The following MBTD1 variants were observed in gnomAD, a reference collection of about 807,000 sequenced individuals.
MBTD1 encodes mbt domain containing 1.
Under a neutral mutation model 87.8 loss-of-function variants are expected in MBTD1, and 24 were observed. That is an observed-to-expected ratio of 0.27 (90% confidence interval 0.20 to 0.38). The LOEUF is 0.38. MBTD1 is among the 10% of genes least tolerant of loss of function. The pLI is 1.00. For synonymous variants in MBTD1, 237 were observed against 248.6 expected (o/e 0.95, Z 0.44); for missense variants, 436 against 760.2 (o/e 0.57, Z 5.02).
At chr17:51,259,073 T>C (rs1267972462) in intron 2 of MBTD1, 70 bp downstream of exon 2, 2 of 401,232 alleles carry the variant, frequency 5.0e-6, no homozygotes, top group African/African-American at 4.1e-5. Flanking sequence ...ACTACTGAAA[T>C]ATGGGCTTTC....
At chr17:51,237,063 G>A (rs1324459717) in intron 2 of MBTD1, among the ~76,000 whole-genome samples, 6 of 152,090 alleles carry the variant, frequency 3.9e-5, no homozygotes, top group East Asian at 1.9e-4. Context: ...CTGGGAGGCC[G>A]AGGCGGGCGG....
chr17:51,234,548 G>A (rs1485397814), intron 2 of MBTD1, among the ~76,000 whole-genome samples: 4 of 152,016 alleles, frequency 2.6e-5, no homozygotes, highest in Admixed American at 2.6e-4. Flanking sequence ...AGAACCAAAT[G>A]TCACTCATAA....
At chr17:51,256,029 C>T (rs2055067927) in intron 2 of MBTD1, among the ~76,000 whole-genome samples, 1 of 152,088 alleles carries the variant, frequency 6.6e-6, no homozygotes, top group Admixed American at 6.6e-5. Context: ...AATTGGGCCA[C>T]AACGTTGAAC....
chr17:51,210,270 C>T (rs2052100588), intron 6 of MBTD1, among the ~76,000 whole-genome samples: 1 of 152,072 alleles, frequency 6.6e-6, no homozygotes, highest in African/African-American at 2.4e-5. Context: ...GGATTACAGG[C>T]ATGAGCCACT....
chr17:51,213,582 G>T (rs1342338707), intron 6 of MBTD1, among the ~76,000 whole-genome samples: 1 of 151,774 alleles, frequency 6.6e-6, no homozygotes, highest in Admixed American at 6.6e-5. Context: ...TGAAAAATGG[G>T]TTAAAGCCCA....
intron 2 of MBTD1, among the ~76,000 whole-genome samples, chr17:51,241,733 A>T (rs1485940512): frequency 6.6e-6 from 1 of 151,694 alleles, no homozygotes; most frequent in Non-Finnish European, 1.5e-5. Context: ...CAGGCTATTT[A>T]TTTTTTTATT....
rs1555673762 is a variant in MBTD1, at chr17:51,179,504, A to ATATTTATATTTT, written c.*1071_*1072insAAAATATAAATA. Reference sequence around the variant, plus strand: ...CAATTTTATATATATATATATATATATATATATATATATATATATATATAT... The same window carrying ATATTTATATTTT: ...CAATTTTATATATATATATATATATATATTTATATTTTTATATATATATATATATATATATAT... On this transcript the variant is annotated 3_prime_UTR_variant, in exon 17 of 17. Coordinates refer to ENST00000586178, the MANE Select transcript of MBTD1 (RefSeq NM_017643.3). 18 of 80,220 alleles carry ATATTTATATTTT rather than the reference A, an allele frequency of 2.2e-4. No homozygotes were observed. The highest frequency in any genetic ancestry group is 8.3e-4 in the African/African-American group (17 of 20,496). 5.0% of individuals were successfully genotyped at this position (80,220 alleles called of 1,614,324 possible).
Position 51,179,392 on chromosome 17 carries a change from A to C in MBTD1, c.*1184T>G, listed in dbSNP as rs1220972411. 6.8e-6 allele frequency: 1 copy of C among 147,282 alleles called. No individual in the cohort carries two copies. Among genetic ancestry groups the C allele is most frequent in the Non-Finnish European group, 1.5e-5 (1 of 66,984 alleles). The allele number at this position is 147,282 out of a possible 1,614,324, so 9.1% of individuals were successfully genotyped here. On this transcript the variant is annotated 3_prime_UTR_variant, in exon 17 of 17. Coordinates refer to ENST00000586178, the MANE Select transcript of MBTD1 (RefSeq NM_017643.3). Reference sequence around the variant, plus strand: ...CTTGTATCCTTTTTTTTTTTTTAAAAGGAAGTCATATGAATTTTAAAACAG... The same window carrying C: ...CTTGTATCCTTTTTTTTTTTTTAAACGGAAGTCATATGAATTTTAAAACAG...
rs1250077306 is a variant in MBTD1 at position 51,259,127 on chromosome 17, G to T, written c.-49+16C>A. 1 of 500,302 alleles carries T rather than the reference G, an allele frequency of 2.0e-6. No individual in the cohort carries two copies. Among genetic ancestry groups the T allele is most frequent in the East Asian group, 3.5e-5 (1 of 28,488 alleles). 31.0% of individuals were successfully genotyped at this position (500,302 alleles called of 1,614,324 possible). On this transcript the variant is annotated intron_variant, in intron 2 of 16. Transcript: ENST00000586178. ...TCAGTGCTTTTAGGGGTGTAAGCAGGGTTCAGACTACCTACCACTTGTCAG... is the reference window on the plus strand; with the variant it reads ...TCAGTGCTTTTAGGGGTGTAAGCAGTGTTCAGACTACCTACCACTTGTCAG...
intron 2 of MBTD1, among the ~76,000 whole-genome samples, chr17:51,254,944 C>T (rs1299663820): frequency 2.0e-5 from 3 of 152,116 alleles, no homozygotes; most frequent in East Asian, 1.9e-4. Flanking sequence ...GTCTGTAGGG[C>T]GAATGTGGTC....
At chr17:51,250,975 A>G (rs1364332157) in intron 2 of MBTD1, 4 of 151,784 alleles carry the variant, frequency 2.6e-5, no homozygotes, top group Non-Finnish European at 4.4e-5. Context: ...TTTATCTTCT[A>G]TTTTTCTGTT....
intron 2 of MBTD1, chr17:51,250,185 G>A (rs1598436466): frequency 1.3e-5 from 2 of 151,858 alleles, no homozygotes; most frequent in Admixed American, 1.3e-4. Context: ...GATTACAGGT[G>A]TGAGCCACCA....
intron 12 of MBTD1, among the ~76,000 whole-genome samples, chr17:51,200,919 A>C (rs1304838027): frequency 6.6e-6 from 1 of 151,990 alleles, no homozygotes; most frequent in Non-Finnish European, 1.5e-5. Context: ...CTAGCACTTT[A>C]GGAGGATTGC....
At chr17:51,182,066 C>T (rs1033153355) in intron 16 of MBTD1, among the ~76,000 whole-genome samples, 4 of 152,038 alleles carry the variant, frequency 2.6e-5, no homozygotes, top group Middle Eastern at 3.5e-3. Flanking sequence ...TTAGCATACA[C>T]GGATCTGCTA....
intron 2 of MBTD1, among the ~76,000 whole-genome samples, chr17:51,229,213 A>G (rs2053418004): frequency 6.6e-6 from 1 of 152,220 alleles, no homozygotes; most frequent in East Asian, 1.9e-4. Context: ...ACATTAAGTG[A>G]GTTATAACCA....
rs549622530 is a variant in MBTD1 at position 51,192,644 on chromosome 17, T to C, written c.1690+138A>G. 7.3e-5 allele frequency: 107 copies of C among 1,464,896 alleles called. No homozygotes were observed. In the African/African-American group the frequency reaches 1.4e-3, roughly 19 times the overall value. 90.7% of individuals were successfully genotyped at this position (1,464,896 alleles called of 1,614,324 possible). A position where few individuals can be genotyped will look rare whatever the true frequency, so the allele number is the denominator to read the frequency against. On this transcript the variant is annotated intron_variant, in intron 15 of 16. Transcript: ENST00000586178. ...CTGATTCTGTGATATTGTTGTTGAGTCTTAATGTCTTACCTGGCAACCAAT... is the reference window on the plus strand; with the variant it reads ...CTGATTCTGTGATATTGTTGTTGAGCCTTAATGTCTTACCTGGCAACCAAT...
chr17:51,207,511 G>A (rs1339238987), intron 6 of MBTD1, among the ~76,000 whole-genome samples: 2 of 152,160 alleles, frequency 1.3e-5, no homozygotes, highest in Non-Finnish European at 2.9e-5. Flanking sequence ...ATAGATGGAC[G>A]TGAGGGAAAA....
rs1435727287 is a variant in MBTD1 at position 51,238,802 on chromosome 17, A to T, written c.-48-13593T>A. ...TAGCAATTTAAACAAAACTTGTGAT[A>T]AAAGTCAATGAAGTGGGCCGGGTGT... On this transcript the variant is annotated intron_variant, in intron 2 of 16. Coordinates refer to ENST00000586178, the MANE Select transcript of MBTD1 (RefSeq NM_017643.3). Among the ~76,000 whole-genome samples the T allele has an allele frequency of 4.6e-5, 7 of 152,354 alleles. No homozygotes were observed. The East Asian group carries it at 1.3e-3, about 29-fold the overall frequency.
intron 16 of MBTD1, among the ~76,000 whole-genome samples, chr17:51,182,198 T>C (rs2050343793): frequency 6.6e-6 from 1 of 151,346 alleles, no homozygotes. Flanking sequence ...GATCTCAACT[T>C]ACTGCAACTT....
Sources: allele counts gnomAD v4.1 joint callset (sites outside exome capture counted in the v4.1 genomes callset), GRCh38; gene constraint gnomAD v4.1.1; transcripts MANE v1.5; gene names NCBI Gene and HGNC (gene_info 2026-07-23, HGNC 2026-07-21).